GALC: variants seen among roughly 807,000 people sequenced by gnomAD.
The protein encoded by GALC is galactosylceramidase.
Under a neutral mutation model 91.8 loss-of-function variants are expected in GALC, and 77 were observed. The ratio of observed to expected loss-of-function variants is 0.84; its 90% CI spans 0.70 to 1.01. The LOEUF (loss-of-function observed/expected upper bound fraction) is 1.01, where lower values mean the gene tolerates loss of function less well. Among genes scored for constraint, GALC ranks in the 50% least tolerant of loss-of-function variants. The pLI, the probability that GALC is intolerant of heterozygous loss-of-function variation, is 0.00. For missense variants in GALC, 882 were observed against 855.9 expected, an observed-to-expected ratio of 1.03 and a Z score of -0.38; for synonymous variants, 357 against 306.7, an observed-to-expected ratio of 1.16 and a Z score of -1.71.
upstream of GALC, chr14:87,993,380 T>A: frequency 6.5e-7 from 1 of 1,535,764 alleles, no homozygotes; most frequent in Non-Finnish European, 8.7e-7. Context: ...CACATGTACT[T>A]ACTGCTGGCT....
At position 87,947,814 on chromosome 14, in the gene GALC, G is replaced by A. The variant is rs34134328; in HGVS notation, c.1403C>T (p.Thr468Ile). Residue 468 changes from threonine (T) to isoleucine (I), a missense_variant, in exon 13 of 17, where the codon ACT becomes ATT. By Grantham distance (89) the Thr-to-Ile change is moderately conservative. Coordinates refer to ENST00000261304, the MANE Select transcript of GALC (RefSeq NM_000153.4). ...LHEDELFTLT[T>I]LTTGRKGSYP... ...GCTGCCTTTGCGACCAGTGGTGAGA[G>A]TGGTGAGTGTGAACAGCTCATCTTC... The A allele has an allele frequency of 6.2e-7, 1 of 1,612,746 alleles. No homozygotes were observed. Among genetic ancestry groups the A allele is most frequent in the Admixed American group, 1.7e-5 (1 of 59,876 alleles).
intron 7 of GALC, among the ~76,000 whole-genome samples, chr14:87,974,110 AGTTATATTT>A (rs1034489766): frequency 6.6e-6 from 1 of 152,238 alleles, no homozygotes; most frequent in African/African-American, 2.4e-5. Flanking sequence ...CACAAACATC[AGTTATATTT>A]AAAAATGAGT....
intron 10 of GALC, among the ~76,000 whole-genome samples, chr14:87,955,897 T>C (rs1885517902): frequency 6.6e-6 from 1 of 151,966 alleles, no homozygotes; most frequent in South Asian, 2.1e-4. Flanking sequence ...GTGGTACTTA[T>C]TCTGTAAGTT....
chr14:87,939,578 A>G (rs536671382), intron 16 of GALC, among the ~76,000 whole-genome samples: 40 of 152,016 alleles, frequency 2.6e-4, no homozygotes, highest in Non-Finnish European at 4.4e-4. Context: ...GCTTACATCT[A>G]TAAGCTCCAT....
chr14:87,967,468 T>C (rs557686351), intron 8 of GALC, among the ~76,000 whole-genome samples: 2 of 152,262 alleles, frequency 1.3e-5, no homozygotes, highest in Non-Finnish European at 1.5e-5. Context: ...ACAAATACAA[T>C]ATACAGCAAC....
chr14:87,960,533 A>T (rs1885758378), intron 10 of GALC, among the ~76,000 whole-genome samples: 1 of 152,180 alleles, frequency 6.6e-6, no homozygotes, highest in African/African-American at 2.4e-5. Context: ...AAAAAATAAA[A>T]ATATGACAAA....
chr14:87,964,998 A>C (rs1172083911), intron 9 of GALC, among the ~76,000 whole-genome samples: 1 of 152,164 alleles, frequency 6.6e-6, no homozygotes, highest in Non-Finnish European at 1.5e-5. Context: ...TTTAGGGGAC[A>C]ATATAAAGCC....
intron 11 of GALC, among the ~76,000 whole-genome samples, 156 bp downstream of exon 11, chr14:87,950,503 C>T (rs970802049): frequency 6.6e-6 from 1 of 151,694 alleles, no homozygotes; most frequent in Non-Finnish European, 1.5e-5. Flanking sequence ...TAGATTAAAG[C>T]AAGTCGGAAG....
rs1235473172 is a variant in GALC at position 87,988,453 on chromosome 14, A to G, written c.264+2T>C. On this transcript the variant is annotated splice_donor_variant, in intron 2 of 16. Coordinates refer to ENST00000261304, the MANE Select transcript of GALC (RefSeq NM_000153.4). LOFTEE classifies it high-confidence loss of function. ...ACCATGAAATAATTATGTTTTCATT[A>G]CCTTAAAGAGATAATCCAATATCTG... The G allele has an allele frequency of 6.4e-7, 1 of 1,572,672 alleles. No homozygotes were observed. Among genetic ancestry groups the G allele is most frequent in the Non-Finnish European group, 8.8e-7 (1 of 1,142,468 alleles).
At position 87,952,967 on chromosome 14, in the gene GALC, G is replaced by C. The variant is rs1459754598; in HGVS notation, c.1162-2219C>G. ...AACATCAGTCAGATATCTGTGGTCA[G>C]AACTTTCACTCAAATTTGTTTCAGT... On this transcript the variant is annotated intron_variant, in intron 10 of 16. Transcript: ENST00000261304. 3.2e-6 allele frequency: 3 copies of C among 936,956 alleles called. No homozygotes were observed. In the African/African-American group the frequency reaches 4.9e-5, roughly 15 times the overall value. 58.0% of individuals were successfully genotyped at this position (936,956 alleles called of 1,614,324 possible). A position where few individuals can be genotyped will look rare whatever the true frequency, so the allele number is the denominator to read the frequency against.
At chr14:87,960,360 C>T (rs1017761932) in intron 10 of GALC, among the ~76,000 whole-genome samples, 2 of 152,094 alleles carry the variant, frequency 1.3e-5, no homozygotes, top group Admixed American at 6.5e-5. Context: ...AGGGTGAAGA[C>T]GGTTAACAGT....
chr14:87,993,051 C>A lies in GALC; in HGVS notation c.114G>T (p.Ala38=), dbSNP rs749514611. ...CGTCGAGCACGTACGCGCCGCCGGG[C>A]GCCAGCAGCGCACACAGCAGCAAGG... is the stretch of plus-strand genomic sequence containing the variant. ...AVPLLLCALL[A]PGGAYVLDDS... Residue 38 remains alanine, a synonymous_variant, in exon 1 of 17, where the codon GCG becomes GCT. Coordinates refer to ENST00000261304, the MANE Select transcript of GALC (RefSeq NM_000153.4). 38 of 1,560,570 alleles carry A rather than the reference C, an allele frequency of 2.4e-5. No homozygotes were observed. The East Asian group carries it at 8.6e-4, about 35-fold the overall frequency.
chr14:87,980,606 T>G, intron 6 of GALC: 1 of 476,334 alleles, frequency 2.1e-6, no homozygotes, highest in Non-Finnish European at 2.7e-6. Context: ...CATCACCTCC[T>G]CTAAAAGACT....
At chr14:87,936,189 C>T (rs1385446019) in intron 16 of GALC, among the ~76,000 whole-genome samples, 1 of 152,078 alleles carries the variant, frequency 6.6e-6, no homozygotes, top group Admixed American at 6.6e-5. Context: ...TTCAGGTCTG[C>T]ACTCAAGTAC....
rs1275125884 is a variant in GALC, at chr14:87,965,486, A to G, written c.1033+19T>C. 1 of 1,612,784 alleles carries G rather than the reference A, an allele frequency of 6.2e-7. No individual in the cohort carries two copies. The highest frequency in any genetic ancestry group is 1.7e-5 in the Admixed American group (1 of 59,950). On this transcript the variant is annotated intron_variant, in intron 9 of 16. Transcript: ENST00000261304. ...CTTAGAGAAGAATTTAGGGAGTGAG[A>G]GATGGAACTGAACCATACCTGATAC...
Position 87,933,219 on chromosome 14 carries a change from T to C in GALC, c.*1513A>G, listed in dbSNP as rs1467206628. The C allele has an allele frequency of 1.3e-5, 2 of 152,556 alleles. No homozygotes were observed. The highest frequency in any genetic ancestry group is 6.6e-5 in the Admixed American group (1 of 15,256). The allele number at this position is 152,556 out of a possible 1,614,324, so 9.5% of individuals were successfully genotyped here. ...AGTACATGACGCCGCTTTCATGATG[T>C]TCTGGAACAAAGAAAACTAACCTAT... is the stretch of plus-strand genomic sequence containing the variant. On this transcript the variant is annotated 3_prime_UTR_variant, in exon 17 of 17. Transcript: ENST00000261304.
At position 87,943,282 on chromosome 14, in the gene GALC, C is replaced by A. The variant is rs994834927; in HGVS notation, c.1671-1724G>T. On this transcript the variant is annotated intron_variant, in intron 14 of 16. Transcript: ENST00000261304. Reference sequence around the variant, plus strand: ...TTTTGTGATTGTCTTTAAAGGATTCCAACCAATGCTCACTATCAAGATAGA... The same window carrying A: ...TTTTGTGATTGTCTTTAAAGGATTCAAACCAATGCTCACTATCAAGATAGA... Among the ~76,000 whole-genome samples, 10 of 151,922 alleles carry A rather than the reference C, an allele frequency of 6.6e-5. No individual in the cohort carries two copies. In the East Asian group the frequency reaches 1.9e-3, roughly 30 times the overall value.
intron 1 of GALC, chr14:87,992,706 T>C: frequency 2.1e-6 from 3 of 1,432,472 alleles, no homozygotes; most frequent in Non-Finnish European, 2.7e-6. Context: ...CCTGTCACTT[T>C]ACTCTCTGCA....
At chr14:87,957,648 A>G (rs796325303) in intron 10 of GALC, among the ~76,000 whole-genome samples, 24 of 152,248 alleles carry the variant, frequency 1.6e-4, no homozygotes, top group African/African-American at 5.3e-4. Flanking sequence ...TGAATTCAGT[A>G]AAGTTTCAAG....
Sources: gnomAD v4.1 joint callset for allele counts (sites outside exome capture counted in the v4.1 genomes callset) on GRCh38, gnomAD v4.1.1 for gene constraint, MANE v1.5 for transcripts, NCBI Gene and HGNC (gene_info 2026-07-23, HGNC 2026-07-21) for gene names.